GRTP1: variants seen among roughly 807,000 people sequenced by gnomAD.
GRTP1 encodes the protein growth hormone-regulated TBC protein 1.
In GRTP1, 56 loss-of-function variants were observed where a neutral mutation model predicts 38.1. The ratio of observed to expected loss-of-function variants is 1.47; its 90% CI spans 1.19 to 1.84. The LOEUF is 1.84. Ranked by LOEUF, GRTP1 falls within the 40% of genes most tolerant of loss-of-function variation. The pLI is 0.00. For missense variants in GRTP1, 506 were observed against 453.9 expected, an observed-to-expected ratio of 1.11 and a Z score of -1.04; for synonymous variants, 217 against 189.5, an observed-to-expected ratio of 1.14 and a Z score of -1.19.
intron 4 of GRTP1, among the ~76,000 whole-genome samples, chr13:113,347,478 A>AGATCCGGGAG (rs2043173509): frequency 1.3e-5 from 1 of 75,132 alleles, no homozygotes; most frequent in East Asian, 3.0e-4. Flanking sequence ...GGCCGAGAGC[A>AGATCCGGGAG]GACCTGGGAG....
intron 5 of GRTP1, among the ~76,000 whole-genome samples, chr13:113,333,954 C>A (rs1400624022): frequency 1.3e-5 from 2 of 150,938 alleles, no homozygotes; most frequent in East Asian, 3.9e-4. Flanking sequence ...CCTGCCTCAG[C>A]CTCCTGAGTA....
intron 5 of GRTP1, among the ~76,000 whole-genome samples, chr13:113,332,844 G>A (rs1048450027): frequency 2.0e-5 from 3 of 152,194 alleles, no homozygotes; most frequent in African/African-American, 4.8e-5. Context: ...CAGGACTCAG[G>A]GGCCAACCAG....
intron 7 of GRTP1, 142 bp from the exon 8 acceptor site, chr13:113,324,719 C>G: frequency 7.0e-7 from 1 of 1,427,200 alleles, no homozygotes; most frequent in East Asian, 2.7e-5. Flanking sequence ...GGGTGACCCA[C>G]AGATTGTCAC....
chr13:113,347,470 C>A (rs1433309467), intron 4 of GRTP1, among the ~76,000 whole-genome samples: 80 of 102,980 alleles, frequency 7.8e-4, no homozygotes, highest in Middle Eastern at 6.0e-3. Context: ...ATCTCTGTGG[C>A]CGAGAGCAGA....
chr13:113,338,577 G>T (rs1263517301), intron 5 of GRTP1, among the ~76,000 whole-genome samples: 1 of 152,160 alleles, frequency 6.6e-6, no homozygotes, highest in Non-Finnish European at 1.5e-5. Flanking sequence ...GGCGGACTGT[G>T]TATGAGCTAC....
At chr13:113,358,536 G>A (rs1171408326) in intron 2 of GRTP1, among the ~76,000 whole-genome samples, 2 of 152,134 alleles carry the variant, frequency 1.3e-5, no homozygotes, top group Non-Finnish European at 2.9e-5. Context: ...GAAGTTGGAG[G>A]AGACATATTA....
At chr13:113,341,894 C>T (rs1268523298) in intron 5 of GRTP1, among the ~76,000 whole-genome samples, 1 of 151,978 alleles carries the variant, frequency 6.6e-6, no homozygotes, top group African/African-American at 2.4e-5. Context: ...CTCAAGTGAT[C>T]CTCTCACCTT....
chr13:113,338,769 A>G (rs1384031843), intron 5 of GRTP1, among the ~76,000 whole-genome samples: 1 of 151,802 alleles, frequency 6.6e-6, no homozygotes, highest in Non-Finnish European at 1.5e-5. Flanking sequence ...CAGTCTTTCC[A>G]TTTCCACCTT....
At chr13:113,363,979 G>T in intron 1 of GRTP1, 41 bp downstream of exon 1, 1 of 1,527,764 alleles carries the variant, frequency 6.5e-7, no homozygotes, top group Non-Finnish European at 8.8e-7. Flanking sequence ...CCCGCGCGGG[G>T]ACCGCAGCCG....
Position 113,341,821 on chromosome 13 carries a change from TTTTTA to T in GRTP1, c.562+3037_562+3041del, listed in dbSNP as rs750467158. Among the ~76,000 whole-genome samples, 76 of 152,122 alleles carry T rather than the reference TTTTTA, an allele frequency of 5.0e-4. 1 individual carries two copies. Among genetic ancestry groups the T allele is most frequent in the Admixed American group, 1.9e-3 (29 of 15,262 alleles). On this transcript the variant is annotated intron_variant, in intron 5 of 7. Transcript: ENST00000375431. ...AGGCGGGTCGTCACTTTTGTTTAAA[TTTTTA>T]TTTTTAGAGATGGGAGGGGTCTCAC...
intron 2 of GRTP1, among the ~76,000 whole-genome samples, chr13:113,358,415 C>A (rs1047500515): frequency 1.3e-5 from 2 of 152,170 alleles, no homozygotes; most frequent in Non-Finnish European, 2.9e-5. Context: ...TCTACAGATT[C>A]CTATATGCAC....
At chr13:113,329,804 G>A (rs114129375) in intron 5 of GRTP1, among the ~76,000 whole-genome samples, 87 of 152,316 alleles carry the variant, frequency 5.7e-4, no homozygotes, top group African/African-American at 1.9e-3. Context: ...GGGCGGTTCC[G>A]ATCTTTATCT....
intron 5 of GRTP1, among the ~76,000 whole-genome samples, chr13:113,326,675 AAAC>A (rs2042779326): frequency 7.6e-6 from 1 of 132,404 alleles, no homozygotes; most frequent in African/African-American, 4.2e-5. Context: ...TGTCTCAAAA[AAAC>A]AAACAAACAA....
At chr13:113,352,336 T>TTATATATA in intron 3 of GRTP1, among the ~76,000 whole-genome samples, 1 of 87,162 alleles carries the variant, frequency 1.1e-5, no homozygotes, top group Non-Finnish European at 2.2e-5. Flanking sequence ...TTATATATAT[T>TTATATATA]TTATATATAT....
At chr13:113,333,802 C>CTTTATTTATTTA (rs374558438) in intron 5 of GRTP1, among the ~76,000 whole-genome samples, 2,745 of 124,856 alleles carry the variant, frequency 0.022, 122 homozygotes, top group African/African-American at 0.064. Flanking sequence ...AGTGCCTGTA[C>CTTTATTTATTTA]TTTATTTATT....
At chr13:113,363,468 G>A (rs2043537225) in intron 2 of GRTP1, among the ~76,000 whole-genome samples, 1 of 152,016 alleles carries the variant, frequency 6.6e-6, no homozygotes, top group Non-Finnish European at 1.5e-5. Context: ...GCCTCCCAAA[G>A]CGCTGGGATT....
intron 2 of GRTP1, among the ~76,000 whole-genome samples, chr13:113,359,330 A>T (rs9549750): frequency 6.6e-6 from 1 of 152,176 alleles, no homozygotes; most frequent in Admixed American, 6.5e-5. Context: ...TATACTGTTA[A>T]GAGTGAATTT....
At chr13:113,325,485 A>T in intron 7 of GRTP1, 176 bp downstream of exon 7, 1 of 1,464,736 alleles carries the variant, frequency 6.8e-7, no homozygotes, top group South Asian at 1.4e-5. Flanking sequence ...TAGACAGGAA[A>T]GCCCTCGGAG....
At chr13:113,333,838 A>ATTTATTTT (rs749095615) in intron 5 of GRTP1, among the ~76,000 whole-genome samples, 74 of 23,542 alleles carry the variant, frequency 3.1e-3, no homozygotes, top group East Asian at 4.4e-3. Flanking sequence ...TTATTTATTT[A>ATTTATTTT]GTGTGTGTGT....
Sources: gnomAD v4.1 joint callset for allele counts (sites outside exome capture counted in the v4.1 genomes callset) on GRCh38, gnomAD v4.1.1 for gene constraint, MANE v1.5 for transcripts, NCBI Gene and HGNC (gene_info 2026-07-23, HGNC 2026-07-21) for gene names.